The following FAM169A variants were observed in gnomAD, a reference collection of about 807,000 sequenced individuals.
The protein encoded by FAM169A is family with sequence similarity 169 member A.
A neutral mutation model predicts 75.7 loss-of-function variants in FAM169A; 24 were observed. The observed-to-expected ratio is 0.32, with a 90% CI of 0.23 to 0.45. The LOEUF (loss-of-function observed/expected upper bound fraction) is 0.45. Ranked by LOEUF, FAM169A falls within the 20% of genes least tolerant of loss-of-function variation. The pLI is 1.00. For synonymous variants in FAM169A, 271 were observed against 271.0 expected (o/e 1.00, Z 0.00); for missense variants, 673 against 784.0 (o/e 0.86, Z 1.69).
At chr5:74,808,671 C>T (rs1032004436) in intron 6 of FAM169A, among the ~76,000 whole-genome samples, 1 of 152,044 alleles carries the variant, frequency 6.6e-6, no homozygotes, top group African/African-American at 2.4e-5. Flanking sequence ...AGAAAGCACA[C>T]TAAATAATAT....
At chr5:74,828,770 TACTC>T (rs1283590712) in intron 5 of FAM169A, among the ~76,000 whole-genome samples, 1 of 152,238 alleles carries the variant, frequency 6.6e-6, no homozygotes, top group African/African-American at 2.4e-5. Flanking sequence ...ACTCTCCTCT[TACTC>T]ACTTCGTCAT....
In FAM169A at chr5:74,781,367, G is replaced by T. The variant is rs1380320916; in HGVS notation, c.*93C>A. ...TCAAATTGAAATTTTGGAAATTTTT[G>T]TCCTGTGCCCCATGCTGTTTATTAA... is the stretch of plus-strand genomic sequence containing the variant. On this transcript the variant is annotated 3_prime_UTR_variant, in exon 13 of 13. Coordinates refer to ENST00000687041, the MANE Select transcript of FAM169A (RefSeq NM_001376049.1). 7.1e-6 allele frequency: 9 copies of T among 1,266,158 alleles called. No individual in the cohort carries two copies. Among genetic ancestry groups the T allele is most frequent in the African/African-American group, 1.5e-5 (1 of 67,050 alleles). The allele number at this position is 1,266,158 out of a possible 1,614,324, so 78.4% of individuals were successfully genotyped here.
chr5:74,825,476 A>G (rs1231048175), intron 5 of FAM169A, among the ~76,000 whole-genome samples: 1 of 152,184 alleles, frequency 6.6e-6, no homozygotes, highest in Non-Finnish European at 1.5e-5. Context: ...GAGCAGCTCC[A>G]CAACTGACAT....
At chr5:74,837,744 A>T (rs1748642090) in intron 4 of FAM169A, among the ~76,000 whole-genome samples, 2 of 152,164 alleles carry the variant, frequency 1.3e-5, no homozygotes, top group Admixed American at 6.5e-5. Flanking sequence ...TGCGAATCTG[A>T]CAAGTTTTTA....
At chr5:74,845,796 C>T (rs1462879837) in intron 1 of FAM169A, among the ~76,000 whole-genome samples, 1 of 152,080 alleles carries the variant, frequency 6.6e-6, no homozygotes, top group African/African-American at 2.4e-5. Flanking sequence ...GGAGCTTATG[C>T]AAGTAAGATG....
At chr5:74,800,032 G>T in intron 10 of FAM169A, 1 of 753,490 alleles carries the variant, frequency 1.3e-6, no homozygotes. Context: ...TGCACTACTG[G>T]CATCGATGGA....
intron 1 of FAM169A, among the ~76,000 whole-genome samples, chr5:74,848,339 T>C (rs1304740639): frequency 6.6e-6 from 1 of 152,124 alleles, no homozygotes; most frequent in Non-Finnish European, 1.5e-5. Context: ...AGAAACAGTT[T>C]TGGAGTTCAA....
chr5:74,821,558 A>G (rs955388731), intron 5 of FAM169A, among the ~76,000 whole-genome samples: 1 of 152,224 alleles, frequency 6.6e-6, no homozygotes, highest in African/African-American at 2.4e-5. Context: ...TCCTCAGATG[A>G]GCGAACCTGT....
chr5:74,802,789 A>G (rs1195881322), intron 8 of FAM169A, among the ~76,000 whole-genome samples: 1 of 152,146 alleles, frequency 6.6e-6, no homozygotes, highest in Non-Finnish European at 1.5e-5. Flanking sequence ...ATAGAACAAA[A>G]GCAAGGGAGC....
intron 4 of FAM169A, among the ~76,000 whole-genome samples, chr5:74,835,411 C>G (rs925182185): frequency 6.6e-6 from 1 of 151,712 alleles, no homozygotes; most frequent in Admixed American, 6.6e-5. Flanking sequence ...CCAGCCTGGG[C>G]AACATGGCAA....
intron 5 of FAM169A, among the ~76,000 whole-genome samples, chr5:74,833,600 A>C (rs1748426930): frequency 6.6e-6 from 1 of 152,190 alleles, no homozygotes. Flanking sequence ...ATCAGCAGTG[A>C]ATTTGGTAGG....
At chr5:74,848,922 T>C (rs1278406832) in intron 1 of FAM169A, 3 of 152,174 alleles carry the variant, frequency 2.0e-5, no homozygotes, top group Non-Finnish European at 4.4e-5. Flanking sequence ...TATGTAACTG[T>C]AAAGCTGTCA....
In FAM169A at chr5:74,807,278, C is replaced by T. The variant is rs554471451; in HGVS notation, c.671-1994G>A. ...CAGAACACAGCCTTCAGCCTATAGCCGGGCAAAATCATCTAACACAAAGCC... is the reference window on the plus strand; with the variant it reads ...CAGAACACAGCCTTCAGCCTATAGCTGGGCAAAATCATCTAACACAAAGCC... On this transcript the variant is annotated intron_variant, in intron 6 of 12. Transcript: ENST00000687041. Among the ~76,000 whole-genome samples the T allele has an allele frequency of 2.6e-5, 4 of 152,244 alleles. No individual in the cohort carries two copies. The South Asian group carries it at 6.2e-4, about 24-fold the overall frequency.
At chr5:74,866,642 C>T (rs1750366129), upstream of FAM169A, 23 of 790,408 alleles carry the variant, frequency 2.9e-5, no homozygotes, top group Non-Finnish European at 3.4e-5. Context: ...ACGCCCAGCT[C>T]AGGGCAATGG....
At chr5:74,846,628 A>T (rs1238625510) in intron 1 of FAM169A, among the ~76,000 whole-genome samples, 1 of 152,250 alleles carries the variant, frequency 6.6e-6, no homozygotes, top group African/African-American at 2.4e-5. Flanking sequence ...CCAAAGTCAT[A>T]ACACAGAATC....
At chr5:74,865,640 C>G (rs1038146724) in intron 1 of FAM169A, 1 of 152,338 alleles carries the variant, frequency 6.6e-6, no homozygotes, top group Non-Finnish European at 1.5e-5. Context: ...GAGGGAGAAT[C>G]ATACAATATC....
intron 6 of FAM169A, among the ~76,000 whole-genome samples, chr5:74,810,839 T>G (rs1340928082): frequency 9.2e-6 from 1 of 109,262 alleles, no homozygotes; most frequent in Non-Finnish European, 1.8e-5. Context: ...TTTTTTTTTT[T>G]GAAACAGGAT....
chr5:74,844,778 C>G (rs975921542), intron 1 of FAM169A, among the ~76,000 whole-genome samples: 1 of 152,140 alleles, frequency 6.6e-6, no homozygotes, highest in Admixed American at 6.5e-5. Flanking sequence ...GATCGCACCA[C>G]TGCACTCCAG....
intron 4 of FAM169A, among the ~76,000 whole-genome samples, chr5:74,836,471 T>C (rs906417819): frequency 3.3e-5 from 5 of 152,216 alleles, no homozygotes; most frequent in East Asian, 1.9e-4. Flanking sequence ...CTCCCGTCCA[T>C]ATAATTGAGC....
Sources: gnomAD v4.1 joint callset for allele counts (sites outside exome capture counted in the v4.1 genomes callset) on GRCh38, gnomAD v4.1.1 for gene constraint, MANE v1.5 for transcripts, NCBI Gene and HGNC (gene_info 2026-07-23, HGNC 2026-07-21) for gene names.